Variants in SATB1 observed in about 807,000 individuals in gnomAD.
SATB1 encodes DNA-binding protein SATB1.
Under a neutral mutation model 86.9 loss-of-function variants are expected in SATB1, and 11 were observed. That is an observed-to-expected ratio of 0.13 (90% CI 0.08 to 0.21). The LOEUF (loss-of-function observed/expected upper bound fraction) is 0.21. SATB1 is among the 10% of genes least tolerant of loss of function. The pLI is 1.00. For missense variants in SATB1, 551 were observed against 937.6 expected, an observed-to-expected ratio of 0.59 and a Z score of 5.39; for synonymous variants, 357 against 357.2, an observed-to-expected ratio of 1.00 and a Z score of 0.01.
chr3:18,439,936 A>G (rs939002035), upstream of SATB1, among the ~76,000 whole-genome samples: 1 of 152,236 alleles, frequency 6.6e-6, no homozygotes, highest in Non-Finnish European at 1.5e-5. Flanking sequence ...CAGATTAACA[A>G]GAAGTCAAAT....
exon 1 of SATB1, chr3:18,445,521 TC>T (rs1469256438): frequency 2.0e-6 from 2 of 985,290 alleles, no homozygotes; most frequent in African/African-American, 3.5e-5. Context: ...CCCTCACCTC[TC>T]CGGGGGCCCC....
rs1394600897 is a variant in SATB1, at chr3:18,394,095, T to C, written c.1206+367A>G. 1.3e-5 allele frequency among the ~76,000 whole-genome samples: 2 copies of C among 152,214 alleles called. No homozygotes were observed. The highest frequency in any genetic ancestry group is 2.9e-5 in the Non-Finnish European group (2 of 68,040). On this transcript the variant is annotated intron_variant, in intron 7 of 10. Transcript: ENST00000338745. This position sits in a 1 kb window ranked among gnomAD's most constrained non-coding sequence, Gnocchi z 5.9. ...AACATAAATGGAAAAGACAATAGGC[T>C]AGAAGCCTGGAATCCTGCCAATAGC...
chr3:18,397,401 C>T, intron 5 of SATB1, 111 bp from the exon 6 acceptor site: 2 of 677,346 alleles, frequency 3.0e-6, no homozygotes, highest in East Asian at 2.6e-5. Context: ...AGTACCAATA[C>T]ATTTTGGTTT....
rs1396873780 is a variant in SATB1 at position 18,348,096 on chromosome 3, A to G, written c.*1074T>C. On this transcript the variant is annotated 3_prime_UTR_variant, in exon 11 of 11. Coordinates refer to ENST00000338745, the MANE Select transcript of SATB1 (RefSeq NM_002971.6). The stretch of plus-strand genomic sequence containing the variant: ...CCATAAACTCATAAAAAAGAAATAC[A>G]CCTTTATACAGAAATTTTATACAGA... The G allele has an allele frequency of 1.3e-5, 2 of 152,602 alleles. No homozygotes were observed. Among genetic ancestry groups the G allele is most frequent in the African/African-American group, 2.4e-5 (1 of 41,434 alleles). The allele number at this position is 152,602 out of a possible 1,614,324, so 9.5% of individuals were successfully genotyped here.
intron 9 of SATB1, among the ~76,000 whole-genome samples, chr3:18,377,323 G>A (rs114527745): frequency 0.018 from 2,748 of 152,198 alleles, 30 homozygotes; most frequent in Middle Eastern, 0.054. Context: ...CACCTTGATA[G>A]TGTTATGAAA....
intron 1 of SATB1, among the ~76,000 whole-genome samples, 197 bp downstream of exon 1, chr3:18,423,430 G>A (rs1698490578): frequency 1.3e-5 from 2 of 152,082 alleles, no homozygotes; most frequent in South Asian, 4.1e-4. Context: ...GTTTCTAGCT[G>A]GATCGCCTCC....
chr3:18,370,514 GCA>G (rs1491246688), intron 9 of SATB1, among the ~76,000 whole-genome samples: 4 of 13,236 alleles, frequency 3.0e-4, no homozygotes, highest in Non-Finnish European at 4.6e-4. Context: ...ACTGAGAGAG[GCA>G]AAAAAAAAAA....
In SATB1 at chr3:18,404,922, T is replaced by C. The variant is rs1235702492; in HGVS notation, c.640-7632A>G. Reference sequence around the variant, plus strand: ...AGCTGTAACATGAAGGGAACTGAACTAGATAATCTCCAACGTCTCCTCTAA... The same window carrying C: ...AGCTGTAACATGAAGGGAACTGAACCAGATAATCTCCAACGTCTCCTCTAA... On this transcript the variant is annotated intron_variant, in intron 5 of 10. Transcript: ENST00000338745. Among the ~76,000 whole-genome samples, 3 of 152,024 alleles carry C rather than the reference T, an allele frequency of 2.0e-5. No individual in the cohort carries two copies. The South Asian group carries it at 6.2e-4, about 31-fold the overall frequency.
intron 8 of SATB1, 28 bp from the exon 9 acceptor site, chr3:18,378,353 A>AT (rs1695868007): frequency 3.1e-6 from 5 of 1,607,100 alleles, no homozygotes; most frequent in Non-Finnish European, 4.2e-6. Context: ...CATGGCTGTC[A>AT]TTTTTCATTG....
intron 2 of SATB1, among the ~76,000 whole-genome samples, chr3:18,436,506 C>CAA (rs71055011): frequency 2.5e-4 from 28 of 113,822 alleles, no homozygotes; most frequent in East Asian, 2.4e-3. Flanking sequence ...CAGGTGCTAC[C>CAA]AAAAAAAAAA....
At position 18,423,640 on chromosome 3, in the gene SATB1, G is replaced by C. The variant is rs1013233961; in HGVS notation, c.-38C>G. 6.6e-6 allele frequency: 1 copy of C among 151,462 alleles called. No homozygotes were observed. The highest frequency in any genetic ancestry group is 1.5e-5 in the Non-Finnish European group (1 of 67,952). The allele number at this position is 151,462 out of a possible 1,614,324, so 9.4% of individuals were successfully genotyped here. A position where few individuals can be genotyped will look rare whatever the true frequency, so the allele number is the denominator to read the frequency against. ...CCTGAAACTCACCACTTCAAAACTT[G>C]ACAGCACATAAATAACAAAAACAAA... On this transcript the variant is annotated 5_prime_UTR_variant, in exon 1 of 11. Transcript: ENST00000338745.
chr3:18,397,409 T>A, intron 5 of SATB1, 119 bp from the exon 6 acceptor site: 1 of 645,254 alleles, frequency 1.5e-6, no homozygotes, highest in East Asian at 2.7e-5. Context: ...TACATTTTGG[T>A]TTCACACTTT....
Position 18,346,921 on chromosome 3 carries a change from A to AATT in SATB1, c.*2246_*2248dup, listed in dbSNP as rs1401996448. 2 of 152,058 alleles carry AATT rather than the reference A, an allele frequency of 1.3e-5. No individual in the cohort carries two copies. The highest frequency in any genetic ancestry group is 3.2e-3 in the Middle Eastern group (1 of 316). 9.4% of individuals were successfully genotyped at this position (152,058 alleles called of 1,614,324 possible). On this transcript the variant is annotated 3_prime_UTR_variant, in exon 11 of 11. Coordinates refer to ENST00000338745, the MANE Select transcript of SATB1 (RefSeq NM_002971.6). ...TCTTAATTCAAATTCCTTTGGCTCA[A>AATT]ATTATTACTTTTCTGAACTCTAGTG... is the stretch of plus-strand genomic sequence containing the variant.
intron 2 of SATB1, chr3:18,417,611 C>A: frequency 1.5e-6 from 1 of 677,008 alleles, no homozygotes; most frequent in South Asian, 1.6e-5. Flanking sequence ...TTCCACAAAT[C>A]ATTTTCTTCC....
intron 3 of SATB1, 69 bp downstream of exon 3, chr3:18,416,833 A>G: frequency 1.4e-6 from 2 of 1,381,930 alleles, no homozygotes; most frequent in East Asian, 4.7e-5. Context: ...AAAAATATTC[A>G]GTGCTTTCTC....
intron 1 of SATB1, chr3:18,445,024 G>A: frequency 5.1e-6 from 1 of 195,328 alleles, no homozygotes; most frequent in Non-Finnish European, 9.2e-6. Context: ...CACCGGAGCG[G>A]CCGGGGCGTC....
chr3:18,349,908 T>A lies in SATB1; in HGVS notation c.1780-226A>T. 1.5e-6 allele frequency: 1 copy of A among 668,252 alleles called. No homozygotes were observed. The highest frequency in any genetic ancestry group is 2.4e-6 in the Non-Finnish European group (1 of 423,512). 41.4% of individuals were successfully genotyped at this position (668,252 alleles called of 1,614,324 possible). A position where few individuals can be genotyped will look rare whatever the true frequency, so the allele number is the denominator to read the frequency against. ...AATTAAGACAGCTTTGGGGGGCTAC[T>A]GCACTTACTTATCAGAGATCAGCAG... On this transcript the variant is annotated intron_variant, in intron 10 of 10. Transcript: ENST00000338745. This position sits in a 1 kb window ranked among gnomAD's most constrained non-coding sequence, Gnocchi z 5.5.
intron 8 of SATB1, 89 bp from the exon 9 acceptor site, chr3:18,378,414 T>C: frequency 7.8e-7 from 1 of 1,279,360 alleles, no homozygotes; most frequent in Non-Finnish European, 1.1e-6. Context: ...TGGACACTGT[T>C]GTTCCTTTTA....
rs186731907 is a variant in SATB1 at position 18,444,594 on chromosome 3, G to A, written c.-25+924C>T. 1,033 of 985,714 alleles carry A rather than the reference G, an allele frequency of 1.0e-3. 4 individuals carry two copies. The highest frequency in any genetic ancestry group is 8.4e-4 in the Non-Finnish European group (697 of 830,266). The allele number at this position is 985,714 out of a possible 1,614,324, so 61.1% of individuals were successfully genotyped here. ...TAGCAAGGGGAAAAGGGAGGCAAAA[G>A]AGCAGAACTCACTCAGGCATGGACG... is the stretch of plus-strand genomic sequence containing the variant. On this transcript the variant is annotated intron_variant, in intron 1 of 3. Transcript: ENST00000415069. The surrounding 1 kb of genome is among the most constrained non-coding windows in gnomAD (Gnocchi z 5.1).
Sources: allele counts gnomAD v4.1 joint callset (sites outside exome capture counted in the v4.1 genomes callset), GRCh38; gene constraint gnomAD v4.1.1; non-coding constraint Gnocchi (gnomAD v3.1); transcripts MANE v1.5; gene names NCBI Gene and HGNC (gene_info 2026-07-23, HGNC 2026-07-21).